DPP10: variants seen among roughly 807,000 people sequenced by gnomAD.
The protein encoded by DPP10 is inactive dipeptidyl peptidase 10.
Under a neutral mutation model 120.9 loss-of-function variants are expected in DPP10, and 33 were observed. That is an observed-to-expected ratio of 0.27 (90% confidence interval 0.21 to 0.37). DPP10 has a LOEUF of 0.37. Ranked by LOEUF, DPP10 falls within the 10% of genes least tolerant of loss-of-function variation. DPP10 has a pLI of 1.00. For missense variants in DPP10, 816 were observed against 942.8 expected (o/e 0.87, Z 1.76); for synonymous variants, 337 against 326.1 (o/e 1.03, Z -0.36).
chr2:115,800,394 A>G (rs1685064884), intron 19 of DPP10, among the ~76,000 whole-genome samples: 1 of 152,026 alleles, frequency 6.6e-6, no homozygotes, highest in Non-Finnish European at 1.5e-5. Context: ...TTGCCTGTTC[A>G]CTCTGACAGT....
chr2:115,826,673 A>G (rs1208177743), intron 21 of DPP10, among the ~76,000 whole-genome samples: 1 of 152,184 alleles, frequency 6.6e-6, no homozygotes, highest in Non-Finnish European at 1.5e-5. Flanking sequence ...GTGAACAAAG[A>G]TCATGCCACT....
intron 1 of DPP10, among the ~76,000 whole-genome samples, chr2:114,953,830 C>T (rs1408859369): frequency 6.6e-6 from 1 of 151,910 alleles, no homozygotes; most frequent in Non-Finnish European, 1.5e-5. Flanking sequence ...ATTTATTATA[C>T]TTTGATTCAA....
intron 5 of DPP10, among the ~76,000 whole-genome samples, chr2:115,626,158 A>C (rs1330683126): frequency 6.6e-6 from 1 of 151,866 alleles, no homozygotes; most frequent in Non-Finnish European, 1.5e-5. Context: ...GAAAGCAAGA[A>C]ACTTGCTTTA....
intron 3 of DPP10, among the ~76,000 whole-genome samples, chr2:115,445,390 T>C (rs1476385357): frequency 6.6e-6 from 1 of 152,074 alleles, no homozygotes; most frequent in Non-Finnish European, 1.5e-5. Context: ...CAGGAAGATA[T>C]GGAAAAATTT....
At chr2:114,938,204 A>G (rs1328665810) in intron 1 of DPP10, among the ~76,000 whole-genome samples, 14 of 152,196 alleles carry the variant, frequency 9.2e-5, no homozygotes, top group Non-Finnish European at 1.5e-4. Context: ...TTTGTGTACT[A>G]TTTTAACATA....
chr2:115,195,948 A>G (rs765324473), intron 1 of DPP10, among the ~76,000 whole-genome samples: 3 of 152,178 alleles, frequency 2.0e-5, no homozygotes. Context: ...TGTCATGACA[A>G]CCAAGTATTT....
At chr2:115,260,297 T>C (rs1400535693) in intron 1 of DPP10, among the ~76,000 whole-genome samples, 1 of 152,166 alleles carries the variant, frequency 6.6e-6, no homozygotes, top group East Asian at 1.9e-4. Flanking sequence ...AAGCTAGAAA[T>C]GGGTTCAAAT....
chr2:115,432,048 A>G (rs2071043540), intron 3 of DPP10, among the ~76,000 whole-genome samples: 2 of 152,146 alleles, frequency 1.3e-5, no homozygotes. Context: ...AAGCTCTATA[A>G]ATTACCCATA....
chr2:115,025,361 C>T (rs1230194836), intron 1 of DPP10, among the ~76,000 whole-genome samples: 2 of 152,088 alleles, frequency 1.3e-5, no homozygotes, highest in East Asian at 3.9e-4. Context: ...GAATAATATT[C>T]CATTGTGTAA....
At chr2:114,897,787 A>G (rs529586496) in intron 1 of DPP10, among the ~76,000 whole-genome samples, 1 of 152,336 alleles carries the variant, frequency 6.6e-6, no homozygotes, top group East Asian at 1.9e-4. Context: ...GCAAATCAAA[A>G]CCACAATGAG....
At chr2:114,649,418 G>A (rs1177281601) in intron 1 of DPP10, among the ~76,000 whole-genome samples, 3 of 150,840 alleles carry the variant, frequency 2.0e-5, no homozygotes, top group Admixed American at 6.6e-5. Context: ...GCGAGATCTC[G>A]GCTCACTGCA....
At chr2:115,647,815 T>C (rs929495041) in intron 5 of DPP10, among the ~76,000 whole-genome samples, 8 of 152,068 alleles carry the variant, frequency 5.3e-5, no homozygotes, top group Non-Finnish European at 8.8e-5. Context: ...AGGGCCTTAA[T>C]TCCATTCATG....
intron 1 of DPP10, among the ~76,000 whole-genome samples, chr2:115,212,261 CTT>C (rs573811681): frequency 6.6e-6 from 1 of 152,118 alleles, no homozygotes; most frequent in African/African-American, 2.4e-5. Flanking sequence ...ATTACAGACT[CTT>C]TTGAAGATGT....
chr2:115,054,518 C>G (rs1705746862), intron 1 of DPP10, among the ~76,000 whole-genome samples: 1 of 152,172 alleles, frequency 6.6e-6, no homozygotes, highest in South Asian at 2.1e-4. Context: ...TTTCTTGTAG[C>G]AACCTTAGTT....
At chr2:115,231,383 T>C (rs1227820129) in intron 1 of DPP10, among the ~76,000 whole-genome samples, 1 of 152,130 alleles carries the variant, frequency 6.6e-6, no homozygotes, top group Non-Finnish European at 1.5e-5. Flanking sequence ...CATTTACAAA[T>C]TGCATCCCTT....
intron 1 of DPP10, among the ~76,000 whole-genome samples, chr2:115,058,757 A>AT (rs1573460338): frequency 1.6e-5 from 2 of 128,638 alleles, no homozygotes; most frequent in Non-Finnish European, 3.4e-5. Context: ...CTTTTTTTTT[A>AT]TTTTTTTATT....
At chr2:115,660,351 C>T (rs969376575) in intron 5 of DPP10, among the ~76,000 whole-genome samples, 17 of 152,250 alleles carry the variant, frequency 1.1e-4, no homozygotes, top group Middle Eastern at 3.4e-3. Flanking sequence ...ACCATTCCTA[C>T]AGTCATTGTC....
At chr2:114,846,877 G>A (rs1478644201) in intron 1 of DPP10, among the ~76,000 whole-genome samples, 1 of 152,026 alleles carries the variant, frequency 6.6e-6, no homozygotes, top group Middle Eastern at 3.2e-3. Context: ...CAGATATTTG[G>A]GTGTGATAGT....
intron 1 of DPP10, among the ~76,000 whole-genome samples, chr2:114,787,088 C>T (rs1682829954): frequency 6.6e-6 from 1 of 152,208 alleles, no homozygotes; most frequent in East Asian, 1.9e-4. Flanking sequence ...GGGAAGAAAA[C>T]TTAAGAAACA....
Sources: gnomAD v4.1 joint callset for allele counts (sites outside exome capture counted in the v4.1 genomes callset) on GRCh38, gnomAD v4.1.1 for gene constraint, MANE v1.5 for transcripts, NCBI Gene and HGNC (gene_info 2026-07-23, HGNC 2026-07-21) for gene names.